Variants in PPARA observed in about 807,000 individuals in gnomAD.
PPARA encodes the protein peroxisome proliferator-activated receptor alpha.
In PPARA, 22 loss-of-function variants were observed where a neutral mutation model predicts 42.2. The ratio of observed to expected loss-of-function variants is 0.52; its 90% confidence interval spans 0.37 to 0.74. The LOEUF is 0.74. Among genes scored for constraint, PPARA ranks in the 30% least tolerant of loss-of-function variants. PPARA has a pLI of 0.00. For synonymous variants in PPARA, 242 were observed against 239.3 expected (o/e 1.01, Z -0.10); for missense variants, 465 against 608.2 (o/e 0.76, Z 2.48).
chr22:46,155,005 AAAAAAAAAAAAAAAAAAAAAAAC>A (rs1258371999), intron 2 of PPARA: 1 of 140,142 alleles, frequency 7.1e-6, no homozygotes, highest in Non-Finnish European at 1.5e-5. Context: ...AAAAAAAAAA[AAAAAAAAAAAAAAAAAAAAAAAC>A]CACATTAATT....
At chr22:46,207,088 T>G (rs1933384602) in intron 4 of PPARA, among the ~76,000 whole-genome samples, 1 of 151,804 alleles carries the variant, frequency 6.6e-6, no homozygotes, top group South Asian at 2.1e-4. Context: ...CTGGGCATGG[T>G]GGCTCATGCC....
chr22:46,227,339 C>G lies in PPARA; in HGVS notation c.712-4453C>G, dbSNP rs7291727. Among the ~76,000 whole-genome samples, 13,125 of 152,122 alleles carry G rather than the reference C, an allele frequency of 0.086. 1,918 individuals are homozygous for G. The highest frequency in any genetic ancestry group is 0.3 in the African/African-American group (12,426 of 41,412). Reference sequence around the variant, plus strand: ...CAATCTCAGCTCACTGCAACCTCCCCCTCCTGGGTTCAAGCGATTCTCCTG... The same window carrying G: ...CAATCTCAGCTCACTGCAACCTCCCGCTCCTGGGTTCAAGCGATTCTCCTG... On this transcript the variant is annotated intron_variant, in intron 7 of 8. Transcript: ENST00000407236. The surrounding 1 kb of genome is among the most constrained non-coding windows in gnomAD (Gnocchi z 4.3).
In PPARA at chr22:46,180,809, G is replaced by A. The variant is rs754446908; in HGVS notation, c.-43+3973G>A. On this transcript the variant is annotated intron_variant, in intron 3 of 8. Coordinates refer to ENST00000407236, the MANE Select transcript of PPARA (RefSeq NM_005036.6). This position sits in a 1 kb window ranked among gnomAD's most constrained non-coding sequence, Gnocchi z 4.2. Reference sequence around the variant, plus strand: ...TTCCCACTACATTTTCTGGGGGCTCGTCCGGGATTGGAGATGGCAGATTTT... The same window carrying A: ...TTCCCACTACATTTTCTGGGGGCTCATCCGGGATTGGAGATGGCAGATTTT... Among the ~76,000 whole-genome samples, 4 of 152,254 alleles carry A rather than the reference G, an allele frequency of 2.6e-5. No homozygotes were observed. The highest frequency in any genetic ancestry group is 4.8e-5 in the African/African-American group (2 of 41,538).
chr22:46,169,321 G>A (rs1458771648), intron 2 of PPARA, among the ~76,000 whole-genome samples: 1 of 152,010 alleles, frequency 6.6e-6, no homozygotes, highest in East Asian at 1.9e-4. Context: ...TGCAAGCTCC[G>A]CCTCCCGGGT....
rs1935007559 is a variant in PPARA, at chr22:46,221,595, CAA to C, written c.711+1582_711+1583del. Among the ~76,000 whole-genome samples the C allele has an allele frequency of 6.6e-6, 1 of 151,926 alleles. No individual in the cohort carries two copies. On this transcript the variant is annotated intron_variant, in intron 7 of 8. Transcript: ENST00000407236. This position sits in a 1 kb window ranked among gnomAD's most constrained non-coding sequence, Gnocchi z 5.9. ...CAGGCGGATCACGAGGTCAGGAGAT[CAA>C]GACCATCCTGGCTAACATGGTGAAA...
intron 4 of PPARA, among the ~76,000 whole-genome samples, chr22:46,210,876 C>T (rs973726566): frequency 3.9e-5 from 6 of 152,154 alleles, no homozygotes; most frequent in African/African-American, 1.4e-4. Context: ...CCTTTCAGGT[C>T]CTGTTTCTCA....
At position 46,212,655 on chromosome 22, in the gene PPARA, T is replaced by C. The variant is rs1392418857; in HGVS notation, c.209-2518T>C. Among the ~76,000 whole-genome samples, 4 of 152,152 alleles carry C rather than the reference T, an allele frequency of 2.6e-5. No homozygotes were observed. The highest frequency in any genetic ancestry group is 5.9e-5 in the Non-Finnish European group (4 of 68,020). On this transcript the variant is annotated intron_variant, in intron 4 of 8. Coordinates refer to ENST00000407236, the MANE Select transcript of PPARA (RefSeq NM_005036.6). This position sits in a 1 kb window ranked among gnomAD's most constrained non-coding sequence, Gnocchi z 4.2. ...GTCTGTTTGTACCACAGTTTGTATA[T>C]CTATTCACCTATCTAAGGGCATCTT...
At chr22:46,218,525 T>C in intron 6 of PPARA, 124 bp downstream of exon 6, 1 of 1,500,228 alleles carries the variant, frequency 6.7e-7, no homozygotes, top group African/African-American at 1.4e-5. Context: ...CATTTTGTAA[T>C]CAGAGTGGCC....
rs199885097 is a variant in PPARA at position 46,193,923 on chromosome 22, C to T, written c.-42-4419C>T. Among the ~76,000 whole-genome samples the T allele has an allele frequency of 1.3e-5, 2 of 152,302 alleles. No individual in the cohort carries two copies. Among genetic ancestry groups the T allele is most frequent in the African/African-American group, 4.8e-5 (2 of 41,562 alleles). On this transcript the variant is annotated intron_variant, in intron 3 of 8. Transcript: ENST00000407236. The surrounding 1 kb of genome is among the most constrained non-coding windows in gnomAD (Gnocchi z 5.3). ...CCCAGAGCATTTGGGGCATAGGACACGGGAACTGGCCAGCCTGGTTCACTC... is the reference window on the plus strand; with the variant it reads ...CCCAGAGCATTTGGGGCATAGGACATGGGAACTGGCCAGCCTGGTTCACTC...
At position 46,221,794 on chromosome 22, in the gene PPARA, G is replaced by A. The variant is rs1334178096; in HGVS notation, c.711+1780G>A. ...CAGCCTGGGCGACAAAGCCAGCTGT[G>A]TCTGGGCGCGGTGGCTCATGTCTGT... On this transcript the variant is annotated intron_variant, in intron 7 of 8. Coordinates refer to ENST00000407236, the MANE Select transcript of PPARA (RefSeq NM_005036.6). This position sits in a 1 kb window ranked among gnomAD's most constrained non-coding sequence, Gnocchi z 5.9. 6.6e-6 allele frequency among the ~76,000 whole-genome samples: 1 copy of A among 151,886 alleles called. No homozygotes were observed. The highest frequency in any genetic ancestry group is 1.5e-5 in the Non-Finnish European group (1 of 67,950).
chr22:46,184,791 G>T lies in PPARA; in HGVS notation c.-43+7955G>T, dbSNP rs939309347. Among the ~76,000 whole-genome samples the T allele has an allele frequency of 6.6e-6, 1 of 152,192 alleles. No individual in the cohort carries two copies. The highest frequency in any genetic ancestry group is 1.5e-5 in the Non-Finnish European group (1 of 68,028). The stretch of plus-strand genomic sequence containing the variant: ...AATTGCTTTAACCTGGGAGGTGGAG[G>T]TTGCAGTGAGCTGAGATTGTGTCAC... On this transcript the variant is annotated intron_variant, in intron 3 of 8. Transcript: ENST00000407236. This position sits in a 1 kb window ranked among gnomAD's most constrained non-coding sequence, Gnocchi z 4.4.
intron 2 of PPARA, among the ~76,000 whole-genome samples, chr22:46,170,237 G>T (rs1029981961): frequency 4.6e-5 from 7 of 150,986 alleles, no homozygotes; most frequent in South Asian, 2.1e-4. Context: ...TTGGTGGCAG[G>T]GGGGTGGGAG....
Position 46,215,361 on chromosome 22 carries a change from T to G in PPARA, c.369+28T>G, listed in dbSNP as rs1363893089. ...AGAGGGGAGCTGGAACAGGGCCTGG[T>G]GGCCGCCACCATCAACTACTTATGG... On this transcript the variant is annotated intron_variant, in intron 5 of 8. Coordinates refer to ENST00000407236, the MANE Select transcript of PPARA (RefSeq NM_005036.6). 1.2e-5 allele frequency: 20 copies of G among 1,613,804 alleles called. No individual in the cohort carries two copies. In the East Asian group the frequency reaches 4.2e-4, roughly 34 times the overall value.
chr22:46,163,594 A>C lies in PPARA; in HGVS notation c.-127+11624A>C, dbSNP rs1040461463. 5.9e-5 allele frequency: 9 copies of C among 152,228 alleles called. No individual in the cohort carries two copies. The highest frequency in any genetic ancestry group is 1.3e-4 in the Non-Finnish European group (9 of 68,054). 9.4% of individuals were successfully genotyped at this position (152,228 alleles called of 1,614,324 possible). A position where few individuals can be genotyped will look rare whatever the true frequency, so the allele number is the denominator to read the frequency against. On this transcript the variant is annotated intron_variant, in intron 2 of 8. Coordinates refer to ENST00000407236, the MANE Select transcript of PPARA (RefSeq NM_005036.6). This position sits in a 1 kb window ranked among gnomAD's most constrained non-coding sequence, Gnocchi z 4.9. ...ATGAGAGGTAGATGATTCCCTAGACAAATGCAGGCCTTTCTCGAAGCCCCT... is the reference window on the plus strand; with the variant it reads ...ATGAGAGGTAGATGATTCCCTAGACCAATGCAGGCCTTTCTCGAAGCCCCT...
intron 4 of PPARA, among the ~76,000 whole-genome samples, chr22:46,208,834 A>C (rs1201749620): frequency 6.6e-6 from 1 of 152,028 alleles, no homozygotes; most frequent in Non-Finnish European, 1.5e-5. Flanking sequence ...TTAGCATAAT[A>C]CCTTCCAGAT....
chr22:46,213,597 C>CT (rs111834773), intron 4 of PPARA, among the ~76,000 whole-genome samples: 55 of 144,260 alleles, frequency 3.8e-4, no homozygotes, highest in Admixed American at 4.8e-4. Context: ...TTTTTCTTTT[C>CT]TTTTTTTTTT....
intron 4 of PPARA, among the ~76,000 whole-genome samples, chr22:46,198,845 G>T (rs1932672357): frequency 6.6e-6 from 1 of 151,882 alleles, no homozygotes; most frequent in African/African-American, 2.4e-5. Flanking sequence ...ATTTTTAATA[G>T]AGACGGGGTT....
chr22:46,209,045 C>G (rs76178001), intron 4 of PPARA, among the ~76,000 whole-genome samples: 3,341 of 152,218 alleles, frequency 0.022, 111 homozygotes, highest in African/African-American at 0.076. Flanking sequence ...ATCTCTTCAG[C>G]ATACTGCTTC....
chr22:46,196,629 G>A lies in PPARA; in HGVS notation c.-42-1713G>A, dbSNP rs932699780. 2.0e-5 allele frequency among the ~76,000 whole-genome samples: 3 copies of A among 152,086 alleles called. No individual in the cohort carries two copies. Among genetic ancestry groups the A allele is most frequent in the South Asian group, 2.1e-4 (1 of 4,830 alleles). ...GTGAGGCCTTCCCTGGCCTCACCCC[G>A]GACACTCCACACGTGCATTCATTTC... On this transcript the variant is annotated intron_variant, in intron 3 of 8. Transcript: ENST00000407236. This position sits in a 1 kb window ranked among gnomAD's most constrained non-coding sequence, Gnocchi z 5.6.
Sources: gnomAD v4.1 joint callset for allele counts (sites outside exome capture counted in the v4.1 genomes callset) on GRCh38, gnomAD v4.1.1 for gene constraint, Gnocchi (gnomAD v3.1) non-coding constraint, MANE v1.5 for transcripts, NCBI Gene and HGNC (gene_info 2026-07-23, HGNC 2026-07-21) for gene names.